ACBD6: variants seen among roughly 807,000 people sequenced by gnomAD.
The protein encoded by ACBD6 is acyl-CoA-binding domain-containing protein 6.
In ACBD6, 28 loss-of-function variants were observed where a neutral mutation model predicts 37.2. The observed-to-expected ratio is 0.75, with a 90% confidence interval of 0.56 to 1.03. The LOEUF is 1.03. ACBD6 is among the 50% of genes least tolerant of loss of function. The pLI, the probability that ACBD6 is intolerant of heterozygous loss-of-function variation, is 0.00. For synonymous variants in ACBD6, 113 were observed against 126.8 expected (o/e 0.89, Z 0.73); for missense variants, 340 against 337.4 (o/e 1.01, Z -0.06).
chr1:180,336,976 G>T lies in ACBD6; in HGVS notation c.664-22254C>A, dbSNP rs539346717. 5.3e-4 allele frequency among the ~76,000 whole-genome samples: 80 copies of T among 151,828 alleles called. 1 individual carries two copies. The highest frequency in any genetic ancestry group is 4.6e-4 in the Non-Finnish European group (31 of 67,934). On this transcript the variant is annotated intron_variant, in intron 6 of 7. Transcript: ENST00000367595. ...ACCAGGAAGAAGTTGAATCTCTGAA[G>T]AGACCAATAACAGGCTCTGAAATTG...
chr1:180,443,687 C>T (rs1225931368), intron 3 of ACBD6, among the ~76,000 whole-genome samples: 1 of 151,950 alleles, frequency 6.6e-6, no homozygotes, highest in African/African-American at 2.4e-5. Context: ...ATCTTGGCTC[C>T]CTGCAAGCTC....
intron 6 of ACBD6, among the ~76,000 whole-genome samples, chr1:180,371,629 T>C (rs1221869791): frequency 6.6e-6 from 1 of 152,090 alleles, no homozygotes; most frequent in Admixed American, 6.6e-5. Flanking sequence ...GCTCACCAAT[T>C]TCACCAAAGT....
chr1:180,305,114 A>T (rs988457356), intron 7 of ACBD6, among the ~76,000 whole-genome samples: 1 of 152,228 alleles, frequency 6.6e-6, no homozygotes, highest in Non-Finnish European at 1.5e-5. Context: ...TGGATTAAAG[A>T]CTTAAATGAT....
chr1:180,477,191 CTT>C (rs965906170), intron 3 of ACBD6, among the ~76,000 whole-genome samples: 7 of 152,088 alleles, frequency 4.6e-5, no homozygotes, highest in African/African-American at 9.7e-5. Flanking sequence ...CAATTTAAAA[CTT>C]ATCAATTGGT....
chr1:180,333,384 C>T (rs1651563502), intron 6 of ACBD6, among the ~76,000 whole-genome samples: 1 of 152,092 alleles, frequency 6.6e-6, no homozygotes, highest in African/African-American at 2.4e-5. Flanking sequence ...TTGAAATATG[C>T]TATTGCATGC....
At chr1:180,278,420 A>G (rs1649171261) in intron 9 of ACBD6, 1 of 152,116 alleles carries the variant, frequency 6.6e-6, no homozygotes, top group Non-Finnish European at 1.5e-5. Flanking sequence ...ACTGGAGCCA[A>G]AAAGAGAGAG....
chr1:180,496,071 T>G (rs1476817618), intron 1 of ACBD6, among the ~76,000 whole-genome samples: 1 of 152,152 alleles, frequency 6.6e-6, no homozygotes, highest in African/African-American at 2.4e-5. Flanking sequence ...TGCAAAAAAT[T>G]TCATGGGTTC....
chr1:180,444,653 T>C (rs1649410485), intron 3 of ACBD6, among the ~76,000 whole-genome samples: 1 of 152,238 alleles, frequency 6.6e-6, no homozygotes, highest in Non-Finnish European at 1.5e-5. Flanking sequence ...TCATAGAGGC[T>C]TAGAAGTTTA....
intron 7 of ACBD6, among the ~76,000 whole-genome samples, chr1:180,301,579 A>C (rs907425255): frequency 6.6e-6 from 1 of 152,132 alleles, no homozygotes; most frequent in African/African-American, 2.4e-5. Flanking sequence ...GCAGACCTCA[A>C]GTTATGGTAC....
chr1:180,494,363 G>A (rs988612273), intron 2 of ACBD6, among the ~76,000 whole-genome samples: 1 of 152,134 alleles, frequency 6.6e-6, no homozygotes, highest in Non-Finnish European at 1.5e-5. Flanking sequence ...AAAACTCACT[G>A]TCAACGTTAA....
chr1:180,434,984 T>A, intron 3 of ACBD6: 1 of 927,620 alleles, frequency 1.1e-6, no homozygotes, highest in South Asian at 1.3e-5. Flanking sequence ...ACAGATGGAC[T>A]GAGTACGGCC....
chr1:180,418,520 A>G (rs10798764), intron 4 of ACBD6, among the ~76,000 whole-genome samples: 145,082 of 152,004 alleles, frequency 0.95, 69,310 homozygotes, highest in African/African-American at 0.99. Flanking sequence ...TTGAGGTTAC[A>G]GTGAGCTATA....
chr1:180,449,684 G>C (rs1649623349), intron 3 of ACBD6, among the ~76,000 whole-genome samples: 1 of 151,790 alleles, frequency 6.6e-6, no homozygotes, highest in East Asian at 1.9e-4. Flanking sequence ...AACACCGCAT[G>C]TTCTCACTCA....
chr1:180,390,484 A>G (rs902844752), intron 6 of ACBD6, among the ~76,000 whole-genome samples: 9 of 152,078 alleles, frequency 5.9e-5, no homozygotes, highest in African/African-American at 1.9e-4. Context: ...TTGGAGATGC[A>G]GGCTCTTTTT....
chr1:180,301,961 C>G (rs759713963), intron 7 of ACBD6, among the ~76,000 whole-genome samples: 2 of 151,810 alleles, frequency 1.3e-5, no homozygotes, highest in Non-Finnish European at 2.9e-5. Flanking sequence ...TTACACTTTT[C>G]TCAGCTTTGG....
intron 6 of ACBD6, among the ~76,000 whole-genome samples, chr1:180,377,717 G>T (rs1404710932): frequency 3.3e-5 from 5 of 152,168 alleles, no homozygotes; most frequent in African/African-American, 1.2e-4. Context: ...GGAGGCCAAG[G>T]TGGGTGGATC....
chr1:180,409,137 C>G (rs1268565037), intron 5 of ACBD6, among the ~76,000 whole-genome samples: 1 of 148,278 alleles, frequency 6.7e-6, no homozygotes, highest in Non-Finnish European at 1.5e-5. Flanking sequence ...GCCTGAGAAT[C>G]TGTCTAAAAA....
At chr1:180,415,776 C>T (rs1234081834) in intron 4 of ACBD6, among the ~76,000 whole-genome samples, 1 of 152,114 alleles carries the variant, frequency 6.6e-6, no homozygotes, top group Non-Finnish European at 1.5e-5. Context: ...TGCATGTATA[C>T]CGTTGTAAGC....
At chr1:180,421,246 T>C (rs1648349385) in intron 4 of ACBD6, among the ~76,000 whole-genome samples, 1 of 152,226 alleles carries the variant, frequency 6.6e-6, no homozygotes, top group African/African-American at 2.4e-5. Flanking sequence ...AGCTCCCACT[T>C]ACAAGTGAGA....
Sources: allele counts gnomAD v4.1 joint callset (sites outside exome capture counted in the v4.1 genomes callset), GRCh38; gene constraint gnomAD v4.1.1; transcripts MANE v1.5; gene names NCBI Gene and HGNC (gene_info 2026-07-23, HGNC 2026-07-21).